The following ADARB2 variants were observed in gnomAD, a reference collection of about 807,000 sequenced individuals.
The protein encoded by ADARB2 is adenosine deaminase RNA specific B2 (inactive), also known as inactive double-stranded RNA-specific editase B2.
In ADARB2, 25 loss-of-function variants were observed where a neutral mutation model predicts 62.2. The ratio of observed to expected loss-of-function variants is 0.40; its 90% CI spans 0.29 to 0.56. The LOEUF (loss-of-function observed/expected upper bound fraction) is 0.56. ADARB2 is among the 20% of genes least tolerant of loss of function. ADARB2 has a pLI of 0.43. For missense variants in ADARB2, 1,071 were observed against 1,077.4 expected, an observed-to-expected ratio of 0.99 and a Z score of 0.08; for synonymous variants, 572 against 500.8, an observed-to-expected ratio of 1.14 and a Z score of -1.90.
At chr10:1,186,392 G>T (rs1431025402) in intron 8 of ADARB2, 1 of 465,270 alleles carries the variant, frequency 2.1e-6, no homozygotes, top group Non-Finnish European at 4.3e-6. Flanking sequence ...GGGAGTCCAG[G>T]CTCCCACTCA....
chr10:1,408,069 A>G (rs1234987254), intron 1 of ADARB2, among the ~76,000 whole-genome samples: 2 of 152,232 alleles, frequency 1.3e-5, no homozygotes, highest in Non-Finnish European at 2.9e-5. Context: ...ATACTGTCTT[A>G]GCTTGAGAGG....
chr10:1,322,936 T>C (rs1831808112), intron 3 of ADARB2, among the ~76,000 whole-genome samples: 1 of 152,198 alleles, frequency 6.6e-6, no homozygotes, highest in Non-Finnish European at 1.5e-5. Context: ...TGATTCAACT[T>C]TCTGTACCAC....
At chr10:1,631,937 G>A (rs1909440) in intron 1 of ADARB2, among the ~76,000 whole-genome samples, 46,608 of 152,026 alleles carry the variant, frequency 0.31, 7,952 homozygotes, top group East Asian at 0.58. Context: ...CCAGAGGTGT[G>A]GATAAGCGTG....
At chr10:1,718,325 G>C (rs7094290) in intron 1 of ADARB2, among the ~76,000 whole-genome samples, 70,005 of 152,074 alleles carry the variant, frequency 0.46, 17,665 homozygotes, top group African/African-American at 0.67. Context: ...CATCCAGAAC[G>C]TGGTCCCACC....
At chr10:1,717,316 C>T (rs903693286) in intron 1 of ADARB2, among the ~76,000 whole-genome samples, 9 of 151,386 alleles carry the variant, frequency 5.9e-5, no homozygotes, top group Admixed American at 5.3e-4. Flanking sequence ...TCGGGGAAGC[C>T]CTGGGGACCC....
intron 1 of ADARB2, among the ~76,000 whole-genome samples, chr10:1,524,808 C>T (rs796461924): frequency 1.4e-4 from 21 of 152,148 alleles, no homozygotes; most frequent in African/African-American, 2.7e-4. Context: ...TCACAGTGAG[C>T]GGTGACACAA....
chr10:1,719,866 G>T (rs1267451481), intron 1 of ADARB2, among the ~76,000 whole-genome samples: 1 of 152,224 alleles, frequency 6.6e-6, no homozygotes, highest in Non-Finnish European at 1.5e-5. Flanking sequence ...CAGTCAGAAT[G>T]GCTATGACAA....
In ADARB2 at chr10:1,365,502, C is replaced by A. The variant is rs913864552; in HGVS notation, c.188-1585G>T. Among the ~76,000 whole-genome samples, 4 of 152,184 alleles carry A rather than the reference C, an allele frequency of 2.6e-5. No homozygotes were observed. The East Asian group carries it at 7.7e-4, about 29-fold the overall frequency. On this transcript the variant is annotated intron_variant, in intron 2 of 9. Transcript: ENST00000381312. Reference sequence around the variant, plus strand: ...CTTTAAATCAAATGTAGGGAGAAGGCATGATGATGGCCAAGATGGGTCAAA... The same window carrying A: ...CTTTAAATCAAATGTAGGGAGAAGGAATGATGATGGCCAAGATGGGTCAAA...
chr10:1,394,914 T>A (rs1451946148), intron 1 of ADARB2: 1 of 456,578 alleles, frequency 2.2e-6, no homozygotes, highest in Non-Finnish European at 4.4e-6. Context: ...CTCCTCCTTC[T>A]TCTTCCTCTC....
At chr10:1,671,149 TCTC>T (rs1224193786) in intron 1 of ADARB2, among the ~76,000 whole-genome samples, 3 of 152,178 alleles carry the variant, frequency 2.0e-5, no homozygotes. Context: ...CCCGGTTACT[TCTC>T]CTCTTCCCAG....
intron 3 of ADARB2, among the ~76,000 whole-genome samples, chr10:1,360,661 G>C (rs185051926): frequency 6.6e-6 from 1 of 152,208 alleles, no homozygotes; most frequent in South Asian, 2.1e-4. Flanking sequence ...CATGGGGAGC[G>C]GTACGAGGGA....
At chr10:1,491,374 A>G (rs1831619435) in intron 1 of ADARB2, among the ~76,000 whole-genome samples, 1 of 152,132 alleles carries the variant, frequency 6.6e-6, no homozygotes, top group African/African-American at 2.4e-5. Context: ...CTGGCTTATT[A>G]TTTCTTTTTA....
chr10:1,539,994 C>A (rs1241449793), intron 1 of ADARB2, among the ~76,000 whole-genome samples: 1 of 151,818 alleles, frequency 6.6e-6, no homozygotes, highest in Non-Finnish European at 1.5e-5. Context: ...GACAAGTGAA[C>A]AAAAACCAAT....
intron 3 of ADARB2, among the ~76,000 whole-genome samples, chr10:1,284,474 T>C (rs904835014): frequency 6.6e-6 from 1 of 152,200 alleles, no homozygotes; most frequent in Non-Finnish European, 1.5e-5. Context: ...TTACTACCGA[T>C]GGCTGCCTCC....
chr10:1,394,170 A>G (rs971962175), intron 1 of ADARB2, among the ~76,000 whole-genome samples: 3 of 152,192 alleles, frequency 2.0e-5, no homozygotes, highest in Admixed American at 1.3e-4. Context: ...CTAATCCCCA[A>G]TCAGCTTCTG....
chr10:1,465,098 A>G (rs1831236783), intron 1 of ADARB2, among the ~76,000 whole-genome samples: 1 of 152,226 alleles, frequency 6.6e-6, no homozygotes, highest in South Asian at 2.1e-4. Flanking sequence ...GTGAAACTCA[A>G]GACACGTCCT....
At chr10:1,359,032 G>A (rs1168356930) in intron 3 of ADARB2, among the ~76,000 whole-genome samples, 1 of 152,158 alleles carries the variant, frequency 6.6e-6, no homozygotes, top group Non-Finnish European at 1.5e-5. Flanking sequence ...TAGGGGTGGG[G>A]AGCAAACTGA....
At chr10:1,292,991 G>GGAGAGGGAGGGAAGGA (rs1831482497) in intron 3 of ADARB2, 1 of 61,502 alleles carries the variant, frequency 1.6e-5, no homozygotes, top group African/African-American at 6.2e-5. Context: ...AGAGAGAGAG[G>GGAGAGGGAGGGAAGGA]GAGAGGGAGG....
At chr10:1,257,415 G>A (rs1831089665) in intron 4 of ADARB2, among the ~76,000 whole-genome samples, 1 of 152,102 alleles carries the variant, frequency 6.6e-6, no homozygotes, top group African/African-American at 2.4e-5. Context: ...TTCCTCCATC[G>A]GGAGCTCCTC....
Sources: gnomAD v4.1 joint callset for allele counts (sites outside exome capture counted in the v4.1 genomes callset) on GRCh38, gnomAD v4.1.1 for gene constraint, MANE v1.5 for transcripts, NCBI Gene and HGNC (gene_info 2026-07-23, HGNC 2026-07-21) for gene names.